The following EEFSEC variants were observed in gnomAD, a reference collection of about 807,000 sequenced individuals.
The protein encoded by EEFSEC is selenocysteine-specific elongation factor.
In EEFSEC, 43 loss-of-function variants were observed where a neutral mutation model predicts 42.1. The ratio of observed to expected loss-of-function variants is 1.02; its 90% confidence interval spans 0.80 to 1.32. The LOEUF is 1.32. EEFSEC is among the 40% of genes most tolerant of loss of function. The pLI is 0.00. For synonymous variants in EEFSEC, 354 were observed against 339.1 expected (o/e 1.04, Z -0.48); for missense variants, 745 against 803.6 (o/e 0.93, Z 0.88).
chr3:128,219,508 T>A (rs2065842825), intron 1 of EEFSEC, among the ~76,000 whole-genome samples: 1 of 152,206 alleles, frequency 6.6e-6, no homozygotes, highest in Admixed American at 6.5e-5. Flanking sequence ...TTCTCCTTGC[T>A]GTTTCCCCAT....
intron 6 of EEFSEC, among the ~76,000 whole-genome samples, chr3:128,383,351 T>TG (rs2067799410): frequency 1.3e-5 from 2 of 152,084 alleles, no homozygotes. Context: ...GTGAATGGGG[T>TG]GGGGTGATTT....
At chr3:128,258,156 G>C (rs559307119) in intron 2 of EEFSEC, among the ~76,000 whole-genome samples, 1 of 152,224 alleles carries the variant, frequency 6.6e-6, no homozygotes, top group Non-Finnish European at 1.5e-5. Flanking sequence ...CCTGAGAGAG[G>C]AGGAGGAAGG....
chr3:128,167,584 T>C (rs1239336769), intron 1 of EEFSEC, among the ~76,000 whole-genome samples: 1 of 152,232 alleles, frequency 6.6e-6, no homozygotes, highest in African/African-American at 2.4e-5. Flanking sequence ...GTTTAACTCA[T>C]AGCAGATTTC....
At chr3:128,332,906 T>C (rs1005388636) in intron 4 of EEFSEC, among the ~76,000 whole-genome samples, 2 of 152,366 alleles carry the variant, frequency 1.3e-5, no homozygotes, top group African/African-American at 2.4e-5. Context: ...AGCAGCCAAA[T>C]TGAACCTTAT....
At chr3:128,321,537 G>A (rs1328249628) in intron 4 of EEFSEC, among the ~76,000 whole-genome samples, 1 of 152,130 alleles carries the variant, frequency 6.6e-6, no homozygotes, top group East Asian at 1.9e-4. Flanking sequence ...CATCCTGCTA[G>A]CTAGGACACT....
At chr3:128,357,995 C>T (rs2067477306) in intron 5 of EEFSEC, among the ~76,000 whole-genome samples, 1 of 152,078 alleles carries the variant, frequency 6.6e-6, no homozygotes, top group Admixed American at 6.5e-5. Flanking sequence ...TTGAAGGGCC[C>T]GTTGTTATAG....
At chr3:128,405,634 A>AG (rs1285536875) in intron 6 of EEFSEC, among the ~76,000 whole-genome samples, 2 of 152,260 alleles carry the variant, frequency 1.3e-5, no homozygotes, top group Admixed American at 6.5e-5. Context: ...ACGACAGGCC[A>AG]GGGCCCTCCG....
intron 6 of EEFSEC, among the ~76,000 whole-genome samples, chr3:128,373,661 C>G (rs2067678932): frequency 6.6e-6 from 1 of 152,202 alleles, no homozygotes; most frequent in Admixed American, 6.5e-5. Context: ...GCTCTGCTAT[C>G]CACACACAAC....
At chr3:128,402,138 C>T (rs1297440092) in intron 6 of EEFSEC, among the ~76,000 whole-genome samples, 5 of 152,152 alleles carry the variant, frequency 3.3e-5, no homozygotes, top group African/African-American at 1.2e-4. Context: ...TGTGAGTAAC[C>T]CAGGGTCACA....
chr3:128,280,682 C>T (rs753565154), intron 4 of EEFSEC, among the ~76,000 whole-genome samples: 3 of 152,236 alleles, frequency 2.0e-5, no homozygotes, highest in Admixed American at 1.3e-4. Context: ...TGCCTCTGTA[C>T]GGTCTTCCCT....
intron 1 of EEFSEC, among the ~76,000 whole-genome samples, chr3:128,213,366 G>A (rs977690605): frequency 1.3e-5 from 2 of 152,242 alleles, no homozygotes; most frequent in East Asian, 1.9e-4. Context: ...AGTAGAAAAT[G>A]CAGTCTAGCT....
rs766681602 is a variant in EEFSEC at position 128,341,493 on chromosome 3, G to A, written c.1047G>A (p.Met349Ile). The change falls in exon 5 of 7, where the codon ATG (methionine) becomes ATA (isoleucine). Residue 349 changes from methionine to isoleucine, a missense_variant. By Grantham distance (10) the Met-to-Ile change is conservative. Coordinates refer to ENST00000254730, the MANE Select transcript of EEFSEC (RefSeq NM_021937.5). ...ATGAAACAGTCATGGGCCGGTTGAT[G>A]TTCTTCAGTCCTGCTCCAGATAACT... ...VGHETVMGRL[M>I]FFSPAPDNFD... The A allele has an allele frequency of 1.9e-6, 3 of 1,614,170 alleles. No individual in the cohort carries two copies. The highest frequency in any genetic ancestry group is 2.5e-6 in the Non-Finnish European group (3 of 1,180,036).
At chr3:128,359,893 C>T (rs1437648426) in intron 6 of EEFSEC, among the ~76,000 whole-genome samples, 3 of 152,296 alleles carry the variant, frequency 2.0e-5, no homozygotes, top group African/African-American at 7.2e-5. Context: ...CCTCCGTGCT[C>T]ACAGGTGGCA....
At chr3:128,377,949 T>C (rs1008713738) in intron 6 of EEFSEC, among the ~76,000 whole-genome samples, 1 of 152,256 alleles carries the variant, frequency 6.6e-6, no homozygotes, top group African/African-American at 2.4e-5. Context: ...TTTGCATTTC[T>C]TTGATAACTA....
At position 128,336,389 on chromosome 3, in the gene EEFSEC, C is replaced by T. The variant is rs144454565; in HGVS notation, c.787-4844C>T. On this transcript the variant is annotated intron_variant, in intron 4 of 6. Coordinates refer to ENST00000254730, the MANE Select transcript of EEFSEC (RefSeq NM_021937.5). ...TGAATCTATTCCCCAAACTGTATAG[C>T]CAGTTTGCATCTTTTAAAACCGCAA... Among the ~76,000 whole-genome samples, 525 of 152,328 alleles carry T rather than the reference C, an allele frequency of 3.4e-3. 3 individuals carry two copies. The highest frequency in any genetic ancestry group is 5.9e-3 in the Non-Finnish European group (403 of 68,028).
chr3:128,329,574 G>C (rs1576642036), intron 4 of EEFSEC, among the ~76,000 whole-genome samples: 1 of 152,222 alleles, frequency 6.6e-6, no homozygotes, highest in Non-Finnish European at 1.5e-5. Flanking sequence ...AGTAAGGCTG[G>C]AAGGACGAGG....
At chr3:128,293,522 G>A (rs866744962) in intron 4 of EEFSEC, among the ~76,000 whole-genome samples, 5 of 152,002 alleles carry the variant, frequency 3.3e-5, no homozygotes, top group Middle Eastern at 3.4e-3. Flanking sequence ...TTAGCCAGGC[G>A]TGGTGGCATG....
intron 2 of EEFSEC, among the ~76,000 whole-genome samples, chr3:128,256,593 G>C (rs939990042): frequency 6.6e-6 from 1 of 152,064 alleles, no homozygotes; most frequent in East Asian, 1.9e-4. Flanking sequence ...TTCTGAATTC[G>C]GGCCTGACTC....
In EEFSEC at chr3:128,243,295, G is replaced by A. The variant is rs1422114159; in HGVS notation, c.317-3541G>A. Among the ~76,000 whole-genome samples, 4 of 152,252 alleles carry A rather than the reference G, an allele frequency of 2.6e-5. No homozygotes were observed. The East Asian group carries it at 7.7e-4, about 29-fold the overall frequency. On this transcript the variant is annotated intron_variant, in intron 1 of 6. Transcript: ENST00000254730. ...ATCCCAACTGGCTCCTGAGTGTTTG[G>A]GTCCTATCTATGCTTAGTTTTCTGG...
Sources: allele counts gnomAD v4.1 joint callset (sites outside exome capture counted in the v4.1 genomes callset), GRCh38; gene constraint gnomAD v4.1.1; transcripts MANE v1.5; gene names NCBI Gene and HGNC (gene_info 2026-07-23, HGNC 2026-07-21).